The following SLC9A6 variants were observed in gnomAD, a reference collection of about 807,000 sequenced individuals.
SLC9A6 encodes the protein sodium/hydrogen exchanger 6.
A neutral mutation model predicts 45.3 loss-of-function variants in SLC9A6; 6 were observed. The ratio of observed to expected loss-of-function variants is 0.13; its 90% CI spans 0.07 to 0.26. The LOEUF (loss-of-function observed/expected upper bound fraction) is 0.26. Among genes scored for constraint, SLC9A6 ranks in the 10% least tolerant of loss-of-function variants. The probability of loss-of-function intolerance (pLI) is 1.00; values close to 1 mark genes in which losing one functional copy is unlikely to be tolerated. For synonymous variants in SLC9A6, 191 were observed against 187.7 expected, an observed-to-expected ratio of 1.02 and a Z score of -0.14; for missense variants, 278 against 503.7, an observed-to-expected ratio of 0.55 and a Z score of 4.29.
intron 11 of SLC9A6, among the ~76,000 whole-genome samples, chrX:136,018,427 C>A (rs782173938): frequency 8.9e-6 from 1 of 111,966 alleles, no homozygotes; most frequent in Non-Finnish European, 1.9e-5. Context: ...ATAGTTGGCT[C>A]CTTCCAGGTT....
chrX:136,020,097 G>C (rs782223630), intron 11 of SLC9A6, among the ~76,000 whole-genome samples: 2 of 111,807 alleles, frequency 1.8e-5, no homozygotes, highest in Admixed American at 1.9e-4. Context: ...ACTTAATAAT[G>C]TTGACGATAG....
chrX:135,983,719 CA>C (rs2089298602), upstream of SLC9A6: 1 of 82,553 alleles, frequency 1.2e-5, no homozygotes, highest in Non-Finnish European at 2.4e-5. Context: ...TTTTTTTTTT[CA>C]AGTTCCCAAC....
chrX:136,006,659 G>A (rs1036054682), intron 7 of SLC9A6, among the ~76,000 whole-genome samples: 1 of 110,526 alleles, frequency 9.0e-6, no homozygotes, highest in Non-Finnish European at 1.9e-5. Context: ...TAAAGTATAC[G>A]TTGCATAGTA....
chrX:136,043,322 T>C (rs181679312), intron 17 of SLC9A6, among the ~76,000 whole-genome samples: 53 of 112,326 alleles, frequency 4.7e-4, no homozygotes, highest in African/African-American at 1.5e-3. Flanking sequence ...GCCTCCCCAG[T>C]AGCTAGGACA....
At chrX:136,008,560 T>G (rs895967020) in intron 7 of SLC9A6, among the ~76,000 whole-genome samples, 1 of 112,378 alleles carries the variant, frequency 8.9e-6, no homozygotes, top group Non-Finnish European at 1.9e-5. Flanking sequence ...AATATTTTTA[T>G]GTCATTGTCA....
At chrX:136,015,089 C>T (rs1023669684) in intron 10 of SLC9A6, among the ~76,000 whole-genome samples, 2 of 109,919 alleles carry the variant, frequency 1.8e-5, no homozygotes, top group Non-Finnish European at 3.8e-5. Flanking sequence ...GACTCCAGCC[C>T]TCCGGCCACA....
At position 136,010,452 on chromosome X, in the gene SLC9A6, G is replaced by A. The variant is rs868988839; in HGVS notation, c.754G>A (p.Ala252Thr). 1 of 1,210,946 alleles carries A rather than the reference G, an allele frequency of 8.3e-7. No individual in the cohort carries two copies. The highest frequency in any genetic ancestry group is 1.1e-6 in the Non-Finnish European group (1 of 894,897). ...VAIVLSSSIVAYQPAGDNSHT... is the reference protein window; with the variant it reads ...VAIVLSSSIVTYQPAGDNSHT... ...GTCTCTCTTCTGTAGCTCAATAGTG[G>A]CATACCAGCCAGCTGGAGACAACAG... Residue 252 changes from alanine (A) to threonine (T), a missense_variant, in exon 8 of 18, where the codon GCA becomes ACA. Physicochemically the swap from Ala to Thr is moderately conservative, Grantham distance 58 (BLOSUM62 0). This residue lies in a region of SLC9A6 where 118 missense variants were observed against 209.9 expected (regional missense o/e 0.56). Coordinates refer to ENST00000630721, the MANE Select transcript of SLC9A6 (RefSeq NM_001379110.1).
chrX:136,040,173 G>A lies in SLC9A6; in HGVS notation c.1759G>A (p.Ala587Thr). Residue 587 changes from alanine (A) to threonine (T), a missense_variant, in exon 17 of 18, where the codon GCT becomes ACT. Coordinates refer to ENST00000630721, the MANE Select transcript of SLC9A6 (RefSeq NM_001379110.1). The stretch of plus-strand genomic sequence containing the variant: ...CGCCAGGTGCCTCACCAGCCCCCAG[G>A]CTTACGAAGTAAGTTGGTTTTATCC... Reference protein sequence around the residue: ...PIARCLTSPQAYENQEQLKDD... With the variant: ...PIARCLTSPQTYENQEQLKDD... 8.3e-7 allele frequency: 1 copy of A among 1,202,631 alleles called. No homozygotes were observed. The highest frequency in any genetic ancestry group is 1.8e-5 in the South Asian group (1 of 56,272).
At chrX:135,985,346 G>A, upstream of SLC9A6, 3 of 331,644 alleles carry the variant, frequency 9.0e-6, no homozygotes, top group Non-Finnish European at 5.0e-6. Context: ...GAACCTGGCA[G>A]AGCGAGCTTG....
At chrX:136,036,703 A>G (rs1603221666) in intron 16 of SLC9A6, among the ~76,000 whole-genome samples, 1 of 112,596 alleles carries the variant, frequency 8.9e-6, no homozygotes, top group Admixed American at 9.4e-5. Context: ...TTTTATACAG[A>G]CAGGTTCTCA....
At chrX:136,017,113 T>C (rs1366742341) in intron 11 of SLC9A6, among the ~76,000 whole-genome samples, 1 of 111,216 alleles carries the variant, frequency 9.0e-6, no homozygotes, top group Non-Finnish European at 1.9e-5. Flanking sequence ...TAAGGAAACG[T>C]TGAATGAGGC....
intron 7 of SLC9A6, among the ~76,000 whole-genome samples, chrX:136,008,536 C>T (rs782088061): frequency 7.1e-5 from 8 of 112,347 alleles, no homozygotes; most frequent in African/African-American, 2.6e-4. Flanking sequence ...CCACTGCGTC[C>T]GGCCAAGACT....
intron 11 of SLC9A6, among the ~76,000 whole-genome samples, chrX:136,021,773 C>T (rs1007746419): frequency 3.6e-5 from 4 of 112,029 alleles, no homozygotes; most frequent in East Asian, 5.6e-4. Context: ...GCTATCCTCC[C>T]GCCCCGGTCT....
At chrX:135,998,035 C>T in intron 3 of SLC9A6, 73 bp from the exon 4 acceptor site, 1 of 578,700 alleles carries the variant, frequency 1.7e-6, no homozygotes, top group Non-Finnish European at 3.0e-6. Flanking sequence ...AGTATTTTTT[C>T]TTTTTGATCA....
rs2071605883 is a variant in SLC9A6 at position 136,046,767 on chromosome X, C to T, written c.*2043C>T. 8.9e-6 allele frequency: 1 copy of T among 112,093 alleles called. No homozygotes were observed. The highest frequency in any genetic ancestry group is 3.3e-5 in the African/African-American group (1 of 30,695). The allele number at this position is 112,093 out of a possible 1,213,427, so 9.2% of individuals were successfully genotyped here. On this transcript the variant is annotated 3_prime_UTR_variant, in exon 18 of 18. Coordinates refer to ENST00000630721, the MANE Select transcript of SLC9A6 (RefSeq NM_001379110.1). ...ACTTTCCTCTCCTCTAATCTGTGTA[C>T]ACATCTCCAAGCAAGGAAGAAAAAA...
chrX:136,030,571 C>T (rs2071304186), intron 15 of SLC9A6: 1 of 176,468 alleles, frequency 5.7e-6, no homozygotes, highest in African/African-American at 3.0e-5. Flanking sequence ...ATCGAATGAC[C>T]AGCAGCTGCC....
In SLC9A6 at chrX:135,988,473, T is replaced by TTTTCTTTCTTTC. The variant is rs781937749; in HGVS notation, c.169+2662_169+2673dup. Reference sequence around the variant, plus strand: ...TCTCTCTCTTTTCTTTCTTTCTTTCTTTTCTTTCTTTCTTTCTTTCTTTCT... The same window carrying TTTTCTTTCTTTC: ...TCTCTCTCTTTTCTTTCTTTCTTTCTTTTCTTTCTTTCTTTCTTTCTTTCTTTCTTTCTTTCT... On this transcript the variant is annotated intron_variant, in intron 2 of 17. Coordinates refer to ENST00000630721, the MANE Select transcript of SLC9A6 (RefSeq NM_001379110.1). Among the ~76,000 whole-genome samples, 404 of 106,909 alleles carry TTTTCTTTCTTTC rather than the reference T, an allele frequency of 3.8e-3. 4 individuals are homozygous for TTTTCTTTCTTTC. The highest frequency in any genetic ancestry group is 0.013 in the African/African-American group (365 of 28,878). 92.8% of individuals were successfully genotyped at this position (106,909 alleles called of 115,157 possible).
At chrX:136,033,136 A>G in intron 15 of SLC9A6, 2 of 228,108 alleles carry the variant, frequency 8.8e-6, no homozygotes, top group East Asian at 2.4e-4. Flanking sequence ...TGCTGGGATT[A>G]CAGGCATGAG....
chrX:135,994,815 G>T lies in SLC9A6; in HGVS notation c.199G>T (p.Gly67Cys), dbSNP rs1556616231. 8.3e-7 allele frequency: 1 copy of T among 1,211,452 alleles called. No homozygotes were observed. Among genetic ancestry groups the T allele is most frequent in the Admixed American group, 2.2e-5 (1 of 45,977 alleles). ...GLLVGLVLRY[G>C]IHVPSDVNNV... ...TTTGGTGGGCCTTGTGCTTCGGTATGGCATTCATGTTCCGAGTGATGTAAA... is the reference window on the plus strand; with the variant it reads ...TTTGGTGGGCCTTGTGCTTCGGTATTGCATTCATGTTCCGAGTGATGTAAA... Residue 67 changes from glycine to cysteine, a missense_variant, in exon 3 of 18, where the codon GGC becomes TGC. Around this residue, in one of 5 missense-constraint regions of SLC9A6, gnomAD observed 118 missense variants for 209.9 expected, o/e 0.56. Coordinates refer to ENST00000630721, the MANE Select transcript of SLC9A6 (RefSeq NM_001379110.1).
Sources: allele counts gnomAD v4.1 joint callset (sites outside exome capture counted in the v4.1 genomes callset), GRCh38; gene constraint gnomAD v4.1.1; regional missense constraint gnomAD v4.1.1; transcripts MANE v1.5; gene names NCBI Gene and HGNC (gene_info 2026-07-23, HGNC 2026-07-21).